CENPI: variants seen among roughly 807,000 people sequenced by gnomAD.
The protein encoded by CENPI is centromere protein I.
Under a neutral mutation model 60.4 loss-of-function variants are expected in CENPI, and 4 were observed. That is an observed-to-expected ratio of 0.07 (90% CI 0.03 to 0.15). CENPI has a LOEUF of 0.15. Among genes scored for constraint, CENPI ranks in the 10% least tolerant of loss-of-function variants. The pLI is 1.00. For synonymous variants in CENPI, 157 were observed against 189.4 expected, an observed-to-expected ratio of 0.83 and a Z score of 1.40; for missense variants, 444 against 534.5, an observed-to-expected ratio of 0.83 and a Z score of 1.67.
the CENPI span, among the ~76,000 whole-genome samples, chrX:101,179,727 A>G: frequency 8.0e-5 from 9 of 111,917 alleles, no homozygotes; most frequent in East Asian, 1.4e-3. Flanking sequence ...TCACTGTGTT[A>G]GCCAGGATGG....
At chrX:101,177,415 G>A in the CENPI span, among the ~76,000 whole-genome samples, 1 of 111,506 alleles carries the variant, frequency 9.0e-6, no homozygotes, top group Non-Finnish European at 1.9e-5. Context: ...CCAGTGGTGG[G>A]CTTTGCTGGG....
At chrX:101,128,621 T>A in intron 11 of CENPI, 95 bp from the exon 12 acceptor site, 18 of 953,315 alleles carry the variant, frequency 1.9e-5, no homozygotes, top group Non-Finnish European at 2.6e-5. Context: ...TGAGCCACCA[T>A]GCCCAGCCTA....
At position 101,134,475 on chromosome X, in the gene CENPI, A is replaced by G. The variant is rs140865634; in HGVS notation, c.1470+2019A>G. Among the ~76,000 whole-genome samples the G allele has an allele frequency of 1.8e-4, 20 of 111,826 alleles. No individual in the cohort carries two copies. The East Asian group carries it at 4.8e-3, about 27-fold the overall frequency. On this transcript the variant is annotated intron_variant, in intron 15 of 21. Coordinates refer to ENST00000682095, the MANE Select transcript of CENPI (RefSeq NM_001386188.2). ...GAGAAAAAAAGAGCTGGTTAAAGAC[A>G]AGTAAAAGGATTATTGAGCGTCATT...
intron 21 of CENPI, among the ~76,000 whole-genome samples, chrX:101,162,474 AT>A (rs139094440): frequency 0.084 from 5,206 of 62,108 alleles, 179 homozygotes; most frequent in Non-Finnish European, 0.099. Context: ...AAAAAAAAAA[AT>A]ATATATATAT....
At chrX:101,136,275 T>C (rs1405113042) in intron 15 of CENPI, among the ~76,000 whole-genome samples, 2 of 111,753 alleles carry the variant, frequency 1.8e-5, no homozygotes, top group Non-Finnish European at 3.8e-5. Flanking sequence ...AGAGAAAGCA[T>C]ACTTTGTAGA....
intron 16 of CENPI, among the ~76,000 whole-genome samples, chrX:101,144,386 ATT>A (rs780043847): frequency 3.6e-4 from 32 of 89,797 alleles, no homozygotes; most frequent in East Asian, 3.5e-4. Flanking sequence ...CCTCGCCTGA[ATT>A]TTTTTTTTTT....
intron 13 of CENPI, 54 bp downstream of exon 13, chrX:101,130,127 T>G: frequency 1.1e-6 from 1 of 906,168 alleles, no homozygotes; most frequent in Non-Finnish European, 1.6e-6. Context: ...AAAATTTATT[T>G]AGATATCCAT....
intron 20 of CENPI, among the ~76,000 whole-genome samples, 180 bp from the exon 21 acceptor site, chrX:101,161,348 A>G (rs1336440639): frequency 1.8e-5 from 2 of 112,450 alleles, no homozygotes; most frequent in African/African-American, 3.2e-5. Flanking sequence ...TATTTCTTAA[A>G]GCTGATGGAT....
chrX:101,157,990 TCTA>T (rs1296659703), intron 20 of CENPI, among the ~76,000 whole-genome samples: 1 of 111,483 alleles, frequency 9.0e-6, no homozygotes, highest in Non-Finnish European at 1.9e-5. Context: ...TGACCATCAT[TCTA>T]CTCTCTACCT....
At chrX:101,168,561 A>AAAAAC (rs770159793), downstream of CENPI, among the ~76,000 whole-genome samples, 4 of 111,776 alleles carry the variant, frequency 3.6e-5, no homozygotes, top group African/African-American at 9.7e-5. Context: ...CAAGACTCTG[A>AAAAAC]AAAACAAAAC....
chrX:101,109,648 A>G (rs2089530696), intron 5 of CENPI, 57 bp downstream of exon 5: 5 of 879,724 alleles, frequency 5.7e-6, no homozygotes, highest in Non-Finnish European at 6.7e-6. Context: ...AGGGCTGGCA[A>G]GGAAGAGCCA....
rs1390781490 is a variant in CENPI, at chrX:101,124,757, T to G, written c.688-1952T>G. Among the ~76,000 whole-genome samples, 16 of 111,810 alleles carry G rather than the reference T, an allele frequency of 1.4e-4. No individual in the cohort carries two copies. The Admixed American group carries it at 1.5e-3, about 11-fold the overall frequency. On this transcript the variant is annotated intron_variant, in intron 8 of 21. Transcript: ENST00000682095. Reference sequence around the variant, plus strand: ...GCCCAGCTCTAATTCTTTTCCTTCCTGCCATCGTGTGAAGAAGGATGTGTT... The same window carrying G: ...GCCCAGCTCTAATTCTTTTCCTTCCGGCCATCGTGTGAAGAAGGATGTGTT...
chrX:101,177,946 T>C, the CENPI span, among the ~76,000 whole-genome samples: 1 of 112,200 alleles, frequency 8.9e-6, no homozygotes, highest in African/African-American at 3.2e-5. Context: ...ATACGCTGCC[T>C]TGCTGTAGCT....
At chrX:101,127,021 A>C (rs1045093403) in intron 9 of CENPI, 117 bp from the exon 10 acceptor site, 1 of 663,311 alleles carries the variant, frequency 1.5e-6, no homozygotes, top group Non-Finnish European at 2.2e-6. Context: ...CTTTAAGTGC[A>C]TTTGTATGGG....
intron 16 of CENPI, chrX:101,141,259 A>G (rs2089912721): frequency 8.9e-6 from 1 of 112,117 alleles, no homozygotes; most frequent in Non-Finnish European, 1.9e-5. Context: ...CCTTCAAAGT[A>G]AAAGTAAAAG....
At chrX:101,101,320 T>C in intron 3 of CENPI, 24 bp downstream of exon 3, 1 of 993,927 alleles carries the variant, frequency 1.0e-6, no homozygotes, top group Non-Finnish European at 1.4e-6. Flanking sequence ...GTTTTCCTTA[T>C]GAAACTCCTA....
At chrX:101,123,221 A>G (rs2089698284) in intron 8 of CENPI, among the ~76,000 whole-genome samples, 1 of 112,350 alleles carries the variant, frequency 8.9e-6, no homozygotes, top group African/African-American at 3.2e-5. Context: ...ATGTGAGGAA[A>G]TACATTGGAT....
At chrX:101,126,914 TGTG>T in intron 9 of CENPI, 116 bp downstream of exon 9, 3 of 736,511 alleles carry the variant, frequency 4.1e-6, no homozygotes, top group African/African-American at 2.1e-5. Flanking sequence ...TGTCTAGTAT[TGTG>T]GTACTGTTTT....
At position 101,132,449 on chromosome X, in the gene CENPI, A is replaced by G; in HGVS notation, c.1463A>G (p.Tyr488Cys). 5.0e-6 allele frequency: 6 copies of G among 1,206,448 alleles called. No individual in the cohort carries two copies. Among genetic ancestry groups the G allele is most frequent in the Non-Finnish European group, 6.7e-6 (6 of 891,389 alleles). The change falls in exon 15 of 22, where the codon TAT becomes TGT. Residue 488 changes from tyrosine to cysteine, a missense_variant. Coordinates refer to ENST00000682095, the MANE Select transcript of CENPI (RefSeq NM_001386188.2). Reference sequence around the variant, plus strand: ...CAGCTCTTCTTTACATCAACCATTTATTTCAAGGTAACAAAAACTTGTCTT... The same window carrying G: ...CAGCTCTTCTTTACATCAACCATTTGTTTCAAGGTAACAAAAACTTGTCTT... ...LAQLFFTSTIYFKCSVLQSLK... is the reference protein window; with the variant it reads ...LAQLFFTSTICFKCSVLQSLK...
Sources: allele counts gnomAD v4.1 joint callset (sites outside exome capture counted in the v4.1 genomes callset), GRCh38; gene constraint gnomAD v4.1.1; transcripts MANE v1.5; gene names NCBI Gene and HGNC (gene_info 2026-07-23, HGNC 2026-07-21).